The following SGCZ variants were observed in gnomAD, a reference collection of about 807,000 sequenced individuals.
SGCZ encodes sarcoglycan zeta.
SGCZ carries 40 observed loss-of-function variants against 41.3 expected under a neutral mutation model. The observed-to-expected ratio is 0.97, with a 90% CI of 0.75 to 1.26. The LOEUF is 1.26. Among genes scored for constraint, SGCZ ranks in the 50% most tolerant of loss-of-function variants. The pLI, the probability that SGCZ is intolerant of heterozygous loss-of-function variation, is 0.00. For missense variants in SGCZ, 552 were observed against 369.8 expected, an observed-to-expected ratio of 1.49 and a Z score of -4.04; for synonymous variants, 206 against 137.5, an observed-to-expected ratio of 1.50 and a Z score of -3.49.
In SGCZ at chr8:14,416,997, ATTG is replaced by A. The variant is rs1333838513; in HGVS notation, c.235-92796_235-92794del. Among the ~76,000 whole-genome samples the A allele has an allele frequency of 4.0e-5, 6 of 151,848 alleles. No homozygotes were observed. In the East Asian group the frequency reaches 1.2e-3, roughly 29 times the overall value. On this transcript the variant is annotated intron_variant, in intron 2 of 7. Transcript: ENST00000382080. The stretch of plus-strand genomic sequence containing the variant: ...GTTATGTGAGAAGTATGGGAGTTAA[ATTG>A]TTATCTTTGATACTTCTTCCCAGGA...
chr8:14,928,136 A>T (rs956132066), intron 1 of SGCZ, among the ~76,000 whole-genome samples: 4 of 152,196 alleles, frequency 2.6e-5, no homozygotes, highest in African/African-American at 9.6e-5. Context: ...TATCAAAGCC[A>T]TGTTGCAGAT....
At chr8:14,896,381 G>A (rs778160029) in intron 1 of SGCZ, among the ~76,000 whole-genome samples, 2 of 152,186 alleles carry the variant, frequency 1.3e-5, no homozygotes, top group Non-Finnish European at 2.9e-5. Context: ...GTGTCAGGCA[G>A]AGTTACTGGG....
intron 2 of SGCZ, among the ~76,000 whole-genome samples, chr8:14,466,232 G>C (rs1404453092): frequency 6.6e-6 from 1 of 151,926 alleles, no homozygotes; most frequent in Non-Finnish European, 1.5e-5. Context: ...TGGACAGTTT[G>C]TTGGATAAAG....
In SGCZ at chr8:14,939,177, T is replaced by A. The variant is rs202070813; in HGVS notation, c.39+298408A>T. Among the ~76,000 whole-genome samples, 29 of 152,216 alleles carry A rather than the reference T, an allele frequency of 1.9e-4. No homozygotes were observed. In the East Asian group the frequency reaches 5.6e-3, roughly 29 times the overall value. On this transcript the variant is annotated intron_variant, in intron 1 of 7. Coordinates refer to ENST00000382080, the MANE Select transcript of SGCZ (RefSeq NM_139167.4). ...TGTGCTTAGCTGGTTAGAATCAGAT[T>A]CCAATGAACACTAACACTCAAAGAT... is the stretch of plus-strand genomic sequence containing the variant.
At chr8:15,037,113 A>G (rs4831673) in intron 1 of SGCZ, among the ~76,000 whole-genome samples, 26,054 of 152,166 alleles carry the variant, frequency 0.17, 2,535 homozygotes, top group South Asian at 0.28. Flanking sequence ...AAGGCTATAT[A>G]TGATGATGGG....
intron 1 of SGCZ, among the ~76,000 whole-genome samples, chr8:15,122,471 T>C (rs1232882750): frequency 1.3e-5 from 2 of 152,190 alleles, no homozygotes; most frequent in Non-Finnish European, 2.9e-5. Flanking sequence ...TTGCTTTTTG[T>C]AGGTCATCTT....
At chr8:14,432,973 C>T (rs1799988431) in intron 2 of SGCZ, among the ~76,000 whole-genome samples, 1 of 144,124 alleles carries the variant, frequency 6.9e-6, no homozygotes, top group Admixed American at 7.0e-5. Flanking sequence ...ACCACCTGTT[C>T]TCCAATAACC....
At chr8:14,824,375 T>G (rs1490698146) in intron 1 of SGCZ, among the ~76,000 whole-genome samples, 2 of 152,152 alleles carry the variant, frequency 1.3e-5, no homozygotes, top group East Asian at 3.9e-4. Context: ...TATGTACAAT[T>G]ATAGTGTGCC....
At position 15,207,987 on chromosome 8, in the gene SGCZ, C is replaced by T. The variant is rs111667411; in HGVS notation, c.39+29598G>A. 2.8e-3 allele frequency among the ~76,000 whole-genome samples: 433 copies of T among 152,298 alleles called. 3 individuals are homozygous for T. The highest frequency in any genetic ancestry group is 9.3e-3 in the African/African-American group (386 of 41,558). On this transcript the variant is annotated intron_variant, in intron 1 of 7. Coordinates refer to ENST00000382080, the MANE Select transcript of SGCZ (RefSeq NM_139167.4). ...TCATTTCCTTTGTTTGCTTAGCCTGCTTTCAGATTTCTCCAAAATCTTAGA... is the reference window on the plus strand; with the variant it reads ...TCATTTCCTTTGTTTGCTTAGCCTGTTTTCAGATTTCTCCAAAATCTTAGA...
rs961046267 is a variant in SGCZ, at chr8:14,480,698, T to C, written c.234+74034A>G. ...TACATAGATATAAACTTCTTGAATA[T>C]TAAAGACATTTCATTATAAAGACTA... On this transcript the variant is annotated intron_variant, in intron 2 of 7. Coordinates refer to ENST00000382080, the MANE Select transcript of SGCZ (RefSeq NM_139167.4). Among the ~76,000 whole-genome samples the C allele has an allele frequency of 4.6e-5, 7 of 152,164 alleles. No individual in the cohort carries two copies. The East Asian group carries it at 5.8e-4, about 13-fold the overall frequency.
intron 1 of SGCZ, among the ~76,000 whole-genome samples, chr8:14,711,918 G>A (rs751943165): frequency 2.6e-5 from 4 of 152,140 alleles, no homozygotes; most frequent in Non-Finnish European, 5.9e-5. Context: ...AGGTTCCTAT[G>A]TAGGCAAACC....
intron 1 of SGCZ, among the ~76,000 whole-genome samples, chr8:14,750,074 T>C (rs1384727392): frequency 6.6e-6 from 1 of 152,198 alleles, no homozygotes. Context: ...AGATTATTTC[T>C]TGGTCTTAAT....
chr8:14,510,908 A>T (rs1461892374), intron 2 of SGCZ, among the ~76,000 whole-genome samples: 2 of 152,108 alleles, frequency 1.3e-5, no homozygotes, highest in East Asian at 3.9e-4. Flanking sequence ...GCATCAATGA[A>T]GATAGTGGCC....
At chr8:14,251,903 T>C (rs1393210810) in intron 3 of SGCZ, among the ~76,000 whole-genome samples, 1 of 151,892 alleles carries the variant, frequency 6.6e-6, no homozygotes, top group Non-Finnish European at 1.5e-5. Context: ...AGAGACGGGG[T>C]TTTGCAATGT....
chr8:14,648,999 A>G (rs1807312626), intron 1 of SGCZ, among the ~76,000 whole-genome samples: 1 of 152,074 alleles, frequency 6.6e-6, no homozygotes, highest in South Asian at 2.1e-4. Context: ...TTTTTCCCCC[A>G]ACAGTCATAC....
intron 4 of SGCZ, among the ~76,000 whole-genome samples, chr8:14,183,898 A>G (rs182508297): frequency 5.5e-4 from 84 of 152,288 alleles, no homozygotes; most frequent in African/African-American, 2.0e-3. Flanking sequence ...TAAATTACTC[A>G]CAGATGAAAT....
At chr8:14,631,425 T>A (rs1806649897) in intron 1 of SGCZ, among the ~76,000 whole-genome samples, 1 of 152,108 alleles carries the variant, frequency 6.6e-6, no homozygotes. Flanking sequence ...ATGTCGTAGC[T>A]TGAAACTGGC....
chr8:15,178,886 G>A (rs997537369), intron 1 of SGCZ, among the ~76,000 whole-genome samples: 1 of 152,156 alleles, frequency 6.6e-6, no homozygotes, highest in Non-Finnish European at 1.5e-5. Context: ...TCCAATAAAT[G>A]CTACTTATTT....
At chr8:14,467,876 T>C (rs558291018) in intron 2 of SGCZ, among the ~76,000 whole-genome samples, 5 of 152,190 alleles carry the variant, frequency 3.3e-5, no homozygotes, top group Non-Finnish European at 7.4e-5. Context: ...TCTCTGAGAG[T>C]AAACTGCACA....
Sources: gnomAD v4.1 joint callset for allele counts (sites outside exome capture counted in the v4.1 genomes callset) on GRCh38, gnomAD v4.1.1 for gene constraint, MANE v1.5 for transcripts, NCBI Gene and HGNC (gene_info 2026-07-23, HGNC 2026-07-21) for gene names.